Variants in ACVR1 observed in about 807,000 individuals in gnomAD.
The protein encoded by ACVR1 is activin A receptor type 1.
ACVR1 carries 38 observed loss-of-function variants against 57.1 expected under a neutral mutation model. That is an observed-to-expected ratio of 0.67 (90% CI 0.51 to 0.87). ACVR1 has a LOEUF of 0.87. Among genes scored for constraint, ACVR1 ranks in the 40% least tolerant of loss-of-function variants. The pLI, the probability that ACVR1 is intolerant of heterozygous loss-of-function variation, is 0.00. For missense variants in ACVR1, 463 were observed against 638.2 expected (o/e 0.73, Z 2.96); for synonymous variants, 212 against 228.1 (o/e 0.93, Z 0.63).
chr2:157,847,989 A>ACCATGTT (rs1689175061), intron 1 of ACVR1, among the ~76,000 whole-genome samples: 1 of 152,232 alleles, frequency 6.6e-6, no homozygotes, highest in South Asian at 2.1e-4. Context: ...GTGTTCAACA[A>ACCATGTT]CAAGGAGAGT....
At chr2:157,740,045 G>A (rs1684693087) in intron 9 of ACVR1, among the ~76,000 whole-genome samples, 1 of 152,060 alleles carries the variant, frequency 6.6e-6, no homozygotes, top group African/African-American at 2.4e-5. Context: ...TTAGCCGGGT[G>A]TGTTGGCGCG....
chr2:157,847,053 TA>T (rs771384890), intron 1 of ACVR1, among the ~76,000 whole-genome samples: 3 of 152,058 alleles, frequency 2.0e-5, no homozygotes, highest in Admixed American at 6.5e-5. Flanking sequence ...AGAAATAAGC[TA>T]AAACAGAAAA....
intron 3 of ACVR1, among the ~76,000 whole-genome samples, chr2:157,798,514 G>T (rs545587607): frequency 5.0e-5 from 6 of 120,232 alleles, no homozygotes; most frequent in African/African-American, 1.9e-4. Context: ...TCACATTTGG[G>T]CTTTTTTGGA....
intron 2 of ACVR1, among the ~76,000 whole-genome samples, chr2:157,818,106 A>G (rs1201501087): frequency 6.6e-6 from 1 of 152,158 alleles, no homozygotes; most frequent in Non-Finnish European, 1.5e-5. Context: ...GGTAGTATTT[A>G]TTTGAAAAAC....
rs372468278 is a variant in ACVR1 at position 157,737,612 on chromosome 2, G to A, written c.1449C>T (p.Ser483=). 66 of 1,613,948 alleles carry A rather than the reference G, an allele frequency of 4.1e-5. No homozygotes were observed. Among genetic ancestry groups the A allele is most frequent in the Admixed American group, 1.0e-4 (6 of 59,996 alleles). ...TGATACGCAGTGCTGTGAGTCTTGCGGATGGATTTTGATACCAGCATTCTT... is the reference window on the plus strand; with the variant it reads ...TGATACGCAGTGCTGTGAGTCTTGCAGATGGATTTTGATACCAGCATTCTT... The part of the protein sequence containing the change: ...LMKECWYQNP[S]ARLTALRIKK... The change falls in exon 11 of 11, where the codon TCC becomes TCT. Residue 483 remains serine, a synonymous_variant. Transcript: ENST00000434821.
intron 3 of ACVR1, chr2:157,790,356 G>C (rs1013318755): frequency 1.3e-5 from 2 of 152,206 alleles, no homozygotes; most frequent in South Asian, 4.1e-4. Context: ...CTCCTCCCAA[G>C]ATGGGAGCAA....
At chr2:157,858,056 C>T (rs1157096492) in intron 1 of ACVR1, among the ~76,000 whole-genome samples, 1 of 151,994 alleles carries the variant, frequency 6.6e-6, no homozygotes, top group African/African-American at 2.4e-5. Context: ...AAAAAAGTCA[C>T]TCGATCTAGT....
intron 1 of ACVR1, among the ~76,000 whole-genome samples, chr2:157,831,977 A>T (rs901299684): frequency 3.9e-5 from 6 of 152,204 alleles, no homozygotes; most frequent in African/African-American, 1.2e-4. Flanking sequence ...TCAGTTTGAA[A>T]GGTCTTACAG....
At chr2:157,763,218 A>C (rs1685732499) in intron 8 of ACVR1, among the ~76,000 whole-genome samples, 1 of 152,216 alleles carries the variant, frequency 6.6e-6, no homozygotes, top group South Asian at 2.1e-4. Flanking sequence ...AAGAAGATGC[A>C]TTTTTAAGTA....
At chr2:157,837,372 C>G (rs1194706855) in intron 1 of ACVR1, among the ~76,000 whole-genome samples, 2 of 152,198 alleles carry the variant, frequency 1.3e-5, no homozygotes, top group South Asian at 2.1e-4. Flanking sequence ...GGCCCACAGT[C>G]ACAGAAGAGA....
At chr2:157,819,612 TC>T in intron 1 of ACVR1, 2 of 152,130 alleles carry the variant, frequency 1.3e-5, no homozygotes, top group Non-Finnish European at 2.9e-5. Context: ...GTAACCAATT[TC>T]TTGTATATCC....
intron 5 of ACVR1, among the ~76,000 whole-genome samples, chr2:157,775,877 C>T (rs1686263892): frequency 6.6e-6 from 1 of 152,150 alleles, no homozygotes; most frequent in African/African-American, 2.4e-5. Context: ...GATGCCAAGC[C>T]TTCTTTTTGT....
intron 9 of ACVR1, among the ~76,000 whole-genome samples, chr2:157,746,765 T>C (rs377459063): frequency 1.3e-5 from 2 of 152,238 alleles, no homozygotes; most frequent in East Asian, 1.9e-4. Context: ...ACCCCTGCCT[T>C]AAGTTCATAT....
Position 157,863,336 on chromosome 2 carries a change from CTTTTTTTTTTTTTTTTTT to C in ACVR1, c.-183+12442_-183+12459del, listed in dbSNP as rs1161335923. 3.6e-3 allele frequency among the ~76,000 whole-genome samples: 128 copies of C among 35,694 alleles called. 5 individuals carry two copies. Among genetic ancestry groups the C allele is most frequent in the Admixed American group, 0.013 (22 of 1,672 alleles). The allele number at this position is 35,694 out of a possible 152,430, so 23.4% of individuals were successfully genotyped here. ...CCTATAGAACAGTTAAATTGTTTCT[CTTTTTTTTTTTTTTTTTT>C]TTTTTTTTTTTTTGCTACTCTACAC... On this transcript the variant is annotated intron_variant, in intron 1 of 10. Transcript: ENST00000434821.
intron 4 of ACVR1, 51 bp downstream of exon 4, chr2:157,780,286 G>C (rs770060581): frequency 1.9e-6 from 3 of 1,612,736 alleles, no homozygotes; most frequent in Non-Finnish European, 2.5e-6. Context: ...ACGGACCCAG[G>C]ACAACACTAA....
chr2:157,815,084 G>A lies in ACVR1; in HGVS notation c.-8+3301C>T, dbSNP rs139007172. 1.8e-3 allele frequency among the ~76,000 whole-genome samples: 275 copies of A among 152,100 alleles called. 3 individuals are homozygous for A. In the East Asian group the frequency reaches 0.034, roughly 19 times the overall value. On this transcript the variant is annotated intron_variant, in intron 2 of 10. Transcript: ENST00000434821. ...AGCCTGGGCAACAGAGCAAGACTCCGTCTCAAAAAAATAAATAAATAAAAA... is the reference window on the plus strand; with the variant it reads ...AGCCTGGGCAACAGAGCAAGACTCCATCTCAAAAAAATAAATAAATAAAAA...
At chr2:157,822,616 A>G (rs1464697432) in intron 1 of ACVR1, among the ~76,000 whole-genome samples, 1 of 152,228 alleles carries the variant, frequency 6.6e-6, no homozygotes, top group Non-Finnish European at 1.5e-5. Flanking sequence ...GTAGCATAGC[A>G]AATACTAAGA....
intron 9 of ACVR1, among the ~76,000 whole-genome samples, chr2:157,754,964 T>C (rs1300322686): frequency 6.6e-6 from 1 of 152,094 alleles, no homozygotes; most frequent in Non-Finnish European, 1.5e-5. Context: ...CATATGCAAG[T>C]CAATAAATGT....
At chr2:157,755,559 ATACCATACCG>A (rs1365789170) in intron 9 of ACVR1, among the ~76,000 whole-genome samples, 3 of 128,142 alleles carry the variant, frequency 2.3e-5, no homozygotes, top group South Asian at 2.3e-4. Flanking sequence ...ATACCATACC[ATACCATACCG>A]TACCATACAA....
Sources: allele counts gnomAD v4.1 joint callset (sites outside exome capture counted in the v4.1 genomes callset), GRCh38; gene constraint gnomAD v4.1.1; transcripts MANE v1.5; gene names NCBI Gene and HGNC (gene_info 2026-07-23, HGNC 2026-07-21).